The following MGAT4C variants were observed in gnomAD, a reference collection of about 807,000 sequenced individuals.
MGAT4C encodes the protein alpha-1,3-mannosyl-glycoprotein 4-beta-N-acetylglucosaminyltransferase C.
Under a neutral mutation model 40.1 loss-of-function variants are expected in MGAT4C, and 19 were observed. That is an observed-to-expected ratio of 0.47 (90% CI 0.33 to 0.70). The LOEUF is 0.70. Among genes scored for constraint, MGAT4C ranks in the 30% least tolerant of loss-of-function variants. MGAT4C has a pLI of 0.02. For missense variants in MGAT4C, 491 were observed against 563.2 expected, an observed-to-expected ratio of 0.87 and a Z score of 1.30; for synonymous variants, 181 against 187.1, an observed-to-expected ratio of 0.97 and a Z score of 0.27.
chr12:86,011,773 T>C (rs1396089716), intron 2 of MGAT4C: 6 of 907,452 alleles, frequency 6.6e-6, no homozygotes, highest in African/African-American at 5.4e-5. Context: ...ATAAACACTA[T>C]ATTGAACATG....
intron 2 of MGAT4C, among the ~76,000 whole-genome samples, chr12:86,028,590 A>G (rs576006353): frequency 6.6e-6 from 1 of 152,088 alleles, no homozygotes; most frequent in Non-Finnish European, 1.5e-5. Flanking sequence ...TAAAATTTTA[A>G]TTGATAAATT....
At chr12:86,026,293 GT>G (rs928554114) in intron 2 of MGAT4C, among the ~76,000 whole-genome samples, 1 of 151,390 alleles carries the variant, frequency 6.6e-6, no homozygotes, top group African/African-American at 2.4e-5. Flanking sequence ...CTATAGTTTG[GT>G]TTTTTAGGAC....
chr12:86,548,567 A>C (rs1959218335), intron 2 of MGAT4C, among the ~76,000 whole-genome samples: 1 of 152,126 alleles, frequency 6.6e-6, no homozygotes, highest in Admixed American at 6.5e-5. Flanking sequence ...CATACAAAAC[A>C]AAGGGACATC....
chr12:86,087,825 T>C (rs989279932), intron 1 of MGAT4C, among the ~76,000 whole-genome samples: 1 of 152,024 alleles, frequency 6.6e-6, no homozygotes, highest in Non-Finnish European at 1.5e-5. Flanking sequence ...TACAGATTTA[T>C]TGCTATTCCT....
At chr12:86,808,410 C>T (rs1593226920) in intron 1 of MGAT4C, among the ~76,000 whole-genome samples, 1 of 151,852 alleles carries the variant, frequency 6.6e-6, no homozygotes, top group Non-Finnish European at 1.5e-5. Flanking sequence ...ATCTAGCAGC[C>T]CATCAAAAAG....
chr12:86,002,529 C>A (rs945405859), intron 2 of MGAT4C: 1 of 151,580 alleles, frequency 6.6e-6, no homozygotes, highest in Non-Finnish European at 1.5e-5. Context: ...TAACTCCTGG[C>A]TAAAGTTTCA....
chr12:86,584,495 CTAAA>C (rs541093437), intron 2 of MGAT4C, among the ~76,000 whole-genome samples: 145 of 151,050 alleles, frequency 9.6e-4, no homozygotes, highest in African/African-American at 3.3e-3. Flanking sequence ...GTTGCTCAAC[CTAAA>C]TATTTACATT....
chr12:86,553,301 G>C, intron 2 of MGAT4C, among the ~76,000 whole-genome samples: 1 of 151,852 alleles, frequency 6.6e-6, no homozygotes, highest in Non-Finnish European at 1.5e-5. Flanking sequence ...TTCTTTTTAG[G>C]GGTGGTCATG....
intron 4 of MGAT4C, among the ~76,000 whole-genome samples, chr12:86,309,359 T>C (rs1398285961): frequency 1.3e-5 from 2 of 152,218 alleles, no homozygotes; most frequent in Non-Finnish European, 2.9e-5. Flanking sequence ...CTGGGTAATG[T>C]ACTGTAAAGA....
rs189755317 is a variant in MGAT4C, at chr12:86,770,175, T to C, written c.-261-42934A>G. Among the ~76,000 whole-genome samples the C allele has an allele frequency of 2.0e-5, 3 of 152,212 alleles. No homozygotes were observed. The East Asian group carries it at 5.8e-4, about 29-fold the overall frequency. On this transcript the variant is annotated intron_variant, in intron 1 of 7. Transcript: ENST00000548651. ...TTTTTCATAGAACGTTAGTATTCTATGAACAATTAGGTGGAAAAAGCAGTT... is the reference window on the plus strand; with the variant it reads ...TTTTTCATAGAACGTTAGTATTCTACGAACAATTAGGTGGAAAAAGCAGTT...
chr12:86,703,297 T>C (rs1415731820), intron 2 of MGAT4C, among the ~76,000 whole-genome samples: 1 of 152,150 alleles, frequency 6.6e-6, no homozygotes, highest in Non-Finnish European at 1.5e-5. Flanking sequence ...TTGGAGAGGA[T>C]TGGTTCCAAT....
At chr12:86,095,892 C>A (rs1452816925) in intron 1 of MGAT4C, among the ~76,000 whole-genome samples, 1 of 151,782 alleles carries the variant, frequency 6.6e-6, no homozygotes, top group Non-Finnish European at 1.5e-5. Flanking sequence ...TAGGCAAATA[C>A]ATATTTAATT....
intron 2 of MGAT4C, among the ~76,000 whole-genome samples, chr12:86,018,528 G>A (rs1246649482): frequency 1.3e-5 from 2 of 151,994 alleles, no homozygotes; most frequent in Non-Finnish European, 2.9e-5. Flanking sequence ...GGCAGTATTC[G>A]GTACTTTCTG....
At chr12:86,150,052 G>C (rs1287615862) in intron 1 of MGAT4C, among the ~76,000 whole-genome samples, 3 of 152,100 alleles carry the variant, frequency 2.0e-5, no homozygotes, top group Non-Finnish European at 4.4e-5. Context: ...GTGGTGGATG[G>C]GTGGAAGATG....
At chr12:86,377,654 G>C (rs1022978104) in intron 3 of MGAT4C, among the ~76,000 whole-genome samples, 1 of 152,062 alleles carries the variant, frequency 6.6e-6, no homozygotes, top group African/African-American at 2.4e-5. Flanking sequence ...GATCAATAAT[G>C]ATTTAATATT....
chr12:85,983,608 A>C lies in MGAT4C; in HGVS notation c.210T>G (p.Val70=), dbSNP rs1592603296. Residue 70 remains valine (V), a synonymous_variant, in exon 4 of 5, where the codon GTT becomes GTG. Coordinates refer to ENST00000611864, the MANE Select transcript of MGAT4C (RefSeq NM_001351288.2). ...AATTAGATAAATCCTTGAAAGTATG[A>C]ACATAGCGTTCTGAATTCAGTTGAT... The part of the protein sequence containing the change: ...STHQLNSERY[V]HTFKDLSNFS... 1 of 1,596,850 alleles carries C rather than the reference A, an allele frequency of 6.3e-7. No homozygotes were observed. Among genetic ancestry groups the C allele is most frequent in the African/African-American group, 1.4e-5 (1 of 73,988 alleles).
chr12:86,076,722 G>C (rs1337397304), intron 1 of MGAT4C, among the ~76,000 whole-genome samples: 1 of 152,098 alleles, frequency 6.6e-6, no homozygotes, highest in African/African-American at 2.4e-5. Flanking sequence ...ACCATCATGA[G>C]AATAGCATGG....
In MGAT4C at chr12:86,344,717, G is replaced by GGTGTGTGT. The variant is rs71076188; in HGVS notation, c.-119-10598_-119-10591dup. On this transcript the variant is annotated intron_variant, in intron 3 of 7. Transcript: ENST00000548651. ...CAGCAATATAGTTCTATCTCTTCTC[G>GGTGTGTGT]GTGTGTGTGTGTGTGTGTGTGTGTG... Among the ~76,000 whole-genome samples, 495 of 139,500 alleles carry GGTGTGTGT rather than the reference G, an allele frequency of 3.5e-3. 3 individuals carry two copies. Among genetic ancestry groups the GGTGTGTGT allele is most frequent in the African/African-American group, 0.012 (455 of 37,828 alleles). 91.5% of individuals were successfully genotyped at this position (139,500 alleles called of 152,430 possible). A position where few individuals can be genotyped will look rare whatever the true frequency, so the allele number is the denominator to read the frequency against.
intron 3 of MGAT4C, among the ~76,000 whole-genome samples, chr12:85,988,977 A>G (rs967528387): frequency 6.6e-6 from 1 of 152,076 alleles, no homozygotes; most frequent in African/African-American, 2.4e-5. Context: ...CACAATTAAA[A>G]AGCATTGTTA....
Sources: allele counts gnomAD v4.1 joint callset (sites outside exome capture counted in the v4.1 genomes callset), GRCh38; gene constraint gnomAD v4.1.1; transcripts MANE v1.5; gene names NCBI Gene and HGNC (gene_info 2026-07-23, HGNC 2026-07-21).